The following SLC35D4 variants were observed in gnomAD, a reference collection of about 807,000 sequenced individuals.
SLC35D4 encodes the protein UDP-N-acetylglucosamine transporter SLC35D4.
chr18:23,274,474 G>A, the SLC35D4 span, among the ~76,000 whole-genome samples: 1 of 152,198 alleles, frequency 6.6e-6, no homozygotes, highest in South Asian at 2.1e-4. Flanking sequence ...TGTACTGCCT[G>A]GTGCCCCACA....
At chr18:23,400,811 T>C in the SLC35D4 span, among the ~76,000 whole-genome samples, 1 of 152,210 alleles carries the variant, frequency 6.6e-6, no homozygotes. Context: ...TTTATTAGCA[T>C]GGGCAAGCAC....
the SLC35D4 span, among the ~76,000 whole-genome samples, chr18:23,342,314 T>C: frequency 6.6e-6 from 1 of 152,192 alleles, no homozygotes; most frequent in African/African-American, 2.4e-5. Context: ...AACTGAATAA[T>C]ACTATATGTA....
the SLC35D4 span, among the ~76,000 whole-genome samples, chr18:23,285,428 G>T: frequency 0.55 from 83,646 of 151,900 alleles, 24,161 homozygotes; most frequent in African/African-American, 0.73. Flanking sequence ...TTGACCCCGA[G>T]ACAAACTGGA....
chr18:23,402,051 C>T, the SLC35D4 span, among the ~76,000 whole-genome samples: 1 of 152,198 alleles, frequency 6.6e-6, no homozygotes, highest in African/African-American at 2.4e-5. Context: ...TCATCTCCCT[C>T]AGGGGCAACA....
the SLC35D4 span, among the ~76,000 whole-genome samples, chr18:23,273,941 TA>T: frequency 1.3e-5 from 2 of 152,204 alleles, no homozygotes; most frequent in Non-Finnish European, 2.9e-5. Flanking sequence ...ATTTTTATTT[TA>T]TTTTTTTTGC....
At chr18:23,316,476 C>T in the SLC35D4 span, among the ~76,000 whole-genome samples, 2 of 152,182 alleles carry the variant, frequency 1.3e-5, no homozygotes, top group African/African-American at 4.8e-5. Flanking sequence ...ACCGTTATTA[C>T]CCATCCTATG....
chr18:23,386,972 C>T, the SLC35D4 span, among the ~76,000 whole-genome samples: 1 of 152,134 alleles, frequency 6.6e-6, no homozygotes, highest in African/African-American at 2.4e-5. Context: ...CGCAGTGGTG[C>T]CATCTCGGCT....
the SLC35D4 span, among the ~76,000 whole-genome samples, chr18:23,302,716 A>G: frequency 6.6e-6 from 1 of 152,212 alleles, no homozygotes; most frequent in African/African-American, 2.4e-5. Context: ...GCACGAATAT[A>G]CAAATATATG....
the SLC35D4 span, among the ~76,000 whole-genome samples, chr18:23,385,808 C>T: frequency 3.9e-5 from 6 of 151,916 alleles, no homozygotes; most frequent in African/African-American, 1.5e-4. Flanking sequence ...GAGAGGGCTG[C>T]AAAAGTCTAG....
At chr18:23,339,935 G>C in the SLC35D4 span, among the ~76,000 whole-genome samples, 12 of 152,308 alleles carry the variant, frequency 7.9e-5, no homozygotes, top group South Asian at 2.5e-3. Flanking sequence ...ATTGATGTTA[G>C]GGGAACATAG....
the SLC35D4 span, chr18:23,430,636 G>A: frequency 2.5e-6 from 4 of 1,610,640 alleles, no homozygotes; most frequent in Non-Finnish European, 2.5e-6. Flanking sequence ...CTCACCCTTG[G>A]AATAATGTAG....
At chr18:23,356,507 G>A in the SLC35D4 span, 1 of 1,382,616 alleles carries the variant, frequency 7.2e-7, no homozygotes, top group South Asian at 1.2e-5. The surrounding 1 kb of genome is among the most constrained non-coding windows in gnomAD (Gnocchi z 4.1). Context: ...CACTCACTCA[G>A]GTCACTAGCA....
chr18:23,301,452 A>T, the SLC35D4 span, among the ~76,000 whole-genome samples: 1 of 152,172 alleles, frequency 6.6e-6, no homozygotes. Context: ...GAAGTTCCTT[A>T]AAATTAAAGG....
At chr18:23,380,088 C>T in the SLC35D4 span, among the ~76,000 whole-genome samples, 2 of 151,846 alleles carry the variant, frequency 1.3e-5, no homozygotes, top group East Asian at 1.9e-4. Context: ...CAGGGTGAGG[C>T]GGTCTCAAAA....
the SLC35D4 span, chr18:23,297,999 C>A: frequency 6.2e-7 from 1 of 1,613,050 alleles, no homozygotes; most frequent in South Asian, 1.1e-5. Flanking sequence ...TTCTCTTGAC[C>A]GTCTTGTTCA....
chr18:23,251,522 G>A, the SLC35D4 span, among the ~76,000 whole-genome samples: 13 of 152,144 alleles, frequency 8.5e-5, no homozygotes, highest in Non-Finnish European at 1.9e-4. Flanking sequence ...ATACTCTCGA[G>A]GAGGGATGAG....
the SLC35D4 span, among the ~76,000 whole-genome samples, chr18:23,351,671 C>T: frequency 2.6e-5 from 4 of 152,198 alleles, no homozygotes; most frequent in South Asian, 2.1e-4. Context: ...GGAAATGAAA[C>T]GTGCCAACAG....
chr18:23,370,955 A>G, the SLC35D4 span, among the ~76,000 whole-genome samples: 1 of 152,328 alleles, frequency 6.6e-6, no homozygotes, highest in Non-Finnish European at 1.5e-5. Context: ...GAAAATGCCC[A>G]TTTAATTTTA....
the SLC35D4 span, among the ~76,000 whole-genome samples, chr18:23,268,957 G>A: frequency 2.0e-5 from 3 of 152,180 alleles, no homozygotes; most frequent in African/African-American, 4.8e-5. Context: ...GCTGGAAGTT[G>A]GCTCACAAGA....
Sources: gnomAD v4.1 joint callset for allele counts (sites outside exome capture counted in the v4.1 genomes callset) on GRCh38, gnomAD v4.1.1 for gene constraint, Gnocchi (gnomAD v3.1) non-coding constraint, MANE v1.5 for transcripts, NCBI Gene and HGNC (gene_info 2026-07-23, HGNC 2026-07-21) for gene names.